AKR1A1: variants seen among roughly 807,000 people sequenced by gnomAD.
AKR1A1 encodes aldo-keto reductase family 1 member A1.
Under a neutral mutation model 39.2 loss-of-function variants are expected in AKR1A1, and 26 were observed. That is an observed-to-expected ratio of 0.66 (90% confidence interval 0.49 to 0.92). AKR1A1 has a LOEUF of 0.92. Ranked by LOEUF, AKR1A1 falls within the 40% of genes least tolerant of loss-of-function variation. The probability of loss-of-function intolerance (pLI) is 0.00; values close to 1 mark genes in which losing one functional copy is unlikely to be tolerated. For synonymous variants in AKR1A1, 141 were observed against 155.5 expected (o/e 0.91, Z 0.69); for missense variants, 378 against 406.5 (o/e 0.93, Z 0.60).
At chr1:45,566,472 A>G (rs1241302431) in intron 2 of AKR1A1, 97 bp from the exon 3 acceptor site, 3 of 1,543,214 alleles carry the variant, frequency 1.9e-6, no homozygotes, top group South Asian at 2.4e-5. Flanking sequence ...TGCCTGTTAT[A>G]TTTCTGAGCC....
intron 4 of AKR1A1, 46 bp from the exon 5 acceptor site, chr1:45,567,936 A>G: frequency 1.3e-6 from 2 of 1,542,616 alleles, no homozygotes; most frequent in Non-Finnish European, 1.8e-6. Context: ...GTAGGGTAGA[A>G]GCCTGGCATT....
At chr1:45,564,681 G>T (rs1471099262) in intron 2 of AKR1A1, among the ~76,000 whole-genome samples, 1 of 151,176 alleles carries the variant, frequency 6.6e-6, no homozygotes, top group Admixed American at 6.6e-5. Context: ...ATTTTTTCCT[G>T]TGTTTCTCTA....
chr1:45,568,241 G>A (rs1280636542), intron 5 of AKR1A1, 64 bp downstream of exon 5: 136 of 1,507,622 alleles, frequency 9.0e-5, no homozygotes, highest in Non-Finnish European at 1.2e-4. Flanking sequence ...GGGAGCAGAC[G>A]ATGGATCTGC....
chr1:45,550,852 G>C lies in AKR1A1; in HGVS notation c.-310G>C, dbSNP rs988072939. 3.9e-5 allele frequency: 6 copies of C among 152,476 alleles called. No homozygotes were observed. Among genetic ancestry groups the C allele is most frequent in the African/African-American group, 1.4e-4 (6 of 41,488 alleles). 9.4% of individuals were successfully genotyped at this position (152,476 alleles called of 1,614,324 possible). A position where few individuals can be genotyped will look rare whatever the true frequency, so the allele number is the denominator to read the frequency against. ...GCGCCACCTGCCTCATTGTGCCCAG[G>C]AGTTCTCCAAACCCGCGCTGCGGAG... On this transcript the variant is annotated 5_prime_UTR_variant, in exon 1 of 9. Coordinates refer to ENST00000351829, the MANE Select transcript of AKR1A1 (RefSeq NM_153326.3).
chr1:45,563,399 AG>A (rs1456377451), intron 2 of AKR1A1, among the ~76,000 whole-genome samples: 5 of 151,346 alleles, frequency 3.3e-5, no homozygotes, highest in African/African-American at 1.2e-4. Context: ...GACTCCGTCT[AG>A]GGGGAAAAAT....
intron 5 of AKR1A1, 137 bp downstream of exon 5, chr1:45,568,314 G>A: frequency 7.9e-7 from 1 of 1,260,010 alleles, no homozygotes; most frequent in South Asian, 1.4e-5. Flanking sequence ...ATAAAGGTGG[G>A]CATTGAAGCA....
rs144040725 is a variant in AKR1A1, at chr1:45,568,030, C to T, written c.405C>T (p.Tyr135=). The change falls in exon 5 of 9, where the codon TAC becomes TAT. Residue 135 remains tyrosine, a synonymous_variant. Coordinates refer to ENST00000351829, the MANE Select transcript of AKR1A1 (RefSeq NM_153326.3). The part of the protein sequence containing the change: ...FPKNADGTIC[Y]DSTHYKETWK... Reference sequence around the variant, plus strand: ...AGAATGCTGATGGGACTATATGCTACGACTCCACCCACTACAAGGAGACTT... The same window carrying T: ...AGAATGCTGATGGGACTATATGCTATGACTCCACCCACTACAAGGAGACTT... 32 of 1,613,778 alleles carry T rather than the reference C, an allele frequency of 2.0e-5. No homozygotes were observed. The highest frequency in any genetic ancestry group is 1.5e-4 in the Admixed American group (9 of 59,948).
At chr1:45,553,733 CCTGT>C in intron 1 of AKR1A1, among the ~76,000 whole-genome samples, 1 of 152,078 alleles carries the variant, frequency 6.6e-6, no homozygotes, top group Non-Finnish European at 1.5e-5. Context: ...GTGGCTCATG[CCTGT>C]AATCCCAGCA....
At chr1:45,555,131 C>T (rs944629287) in intron 1 of AKR1A1, among the ~76,000 whole-genome samples, 5 of 152,116 alleles carry the variant, frequency 3.3e-5, no homozygotes, top group South Asian at 2.1e-4. Context: ...TGTGCATCTG[C>T]GGATTCAACC....
intron 5 of AKR1A1, 112 bp downstream of exon 5, chr1:45,568,289 G>A (rs1313743442): frequency 7.5e-7 from 1 of 1,339,224 alleles, no homozygotes; most frequent in East Asian, 2.5e-5. Flanking sequence ...GAGTGTTGGT[G>A]CAGAAGTCCT....
chr1:45,556,159 C>T (rs1248787926), intron 1 of AKR1A1, among the ~76,000 whole-genome samples: 3 of 152,090 alleles, frequency 2.0e-5, no homozygotes, highest in Non-Finnish European at 4.4e-5. Flanking sequence ...ACTGTAGAGC[C>T]CTTTGAGAAA....
chr1:45,567,942 G>T, intron 4 of AKR1A1, 40 bp from the exon 5 acceptor site: 1 of 1,557,660 alleles, frequency 6.4e-7, no homozygotes, highest in East Asian at 2.3e-5. Context: ...TAGAAGCCTG[G>T]CATTTGTGTC....
At chr1:45,557,233 G>A (rs1169770690) in intron 1 of AKR1A1, among the ~76,000 whole-genome samples, 1 of 151,772 alleles carries the variant, frequency 6.6e-6, no homozygotes, top group Non-Finnish European at 1.5e-5. Flanking sequence ...GTTTCTGAAT[G>A]CTGCCAAAGG....
At chr1:45,559,667 G>A (rs1159901749) in intron 1 of AKR1A1, among the ~76,000 whole-genome samples, 4 of 103,190 alleles carry the variant, frequency 3.9e-5, no homozygotes, top group Admixed American at 1.5e-4. Context: ...TTTTTGAGAC[G>A]GAGTCTCCCT....
intron 1 of AKR1A1, among the ~76,000 whole-genome samples, chr1:45,560,722 G>T (rs965580681): frequency 3.0e-5 from 4 of 135,576 alleles, no homozygotes; most frequent in African/African-American, 1.1e-4. Flanking sequence ...AATCTCTGCA[G>T]TTCTTTTTTT....
At chr1:45,557,927 T>TTTTTTTTTTTTTTGG (rs1644227267) in intron 1 of AKR1A1, among the ~76,000 whole-genome samples, 1 of 148,252 alleles carries the variant, frequency 6.7e-6, no homozygotes, top group African/African-American at 2.5e-5. Context: ...TTTTTTTTTT[T>TTTTTTTTTTTTTTGG]GAGATGGAGC....
chr1:45,555,932 G>A lies in AKR1A1; in HGVS notation c.-7+4777G>A, dbSNP rs185310995. On this transcript the variant is annotated intron_variant, in intron 1 of 8. Transcript: ENST00000351829. Reference sequence around the variant, plus strand: ...CAGAGGGCGTTGAATATACAGAAGTGGGGTGAGAAGAATCAAGGCCTAAGG... The same window carrying A: ...CAGAGGGCGTTGAATATACAGAAGTAGGGTGAGAAGAATCAAGGCCTAAGG... Among the ~76,000 whole-genome samples, 10 of 152,222 alleles carry A rather than the reference G, an allele frequency of 6.6e-5. No individual in the cohort carries two copies. The East Asian group carries it at 1.9e-3, about 29-fold the overall frequency.
intron 1 of AKR1A1, among the ~76,000 whole-genome samples, chr1:45,557,045 C>A (rs1384540992): frequency 6.6e-6 from 1 of 151,588 alleles, no homozygotes; most frequent in Non-Finnish European, 1.5e-5. Context: ...CAAAAATTAG[C>A]TGGGCGTGGT....
In AKR1A1 at chr1:45,568,562, T is replaced by C. The variant is rs1453034394; in HGVS notation, c.630T>C (p.Tyr210=). ...CACGTGGCCTGGAGGTAACTGCTTA[T>C]AGCCCTTTGGGCTCCTCTGATCGTG... The part of the protein sequence containing the change: ...CQARGLEVTA[Y]SPLGSSDRAW... The change falls in exon 6 of 9, where the codon TAT becomes TAC. Residue 210 remains tyrosine (Y), a synonymous_variant. Transcript: ENST00000351829. 2 of 1,614,008 alleles carry C rather than the reference T, an allele frequency of 1.2e-6. No homozygotes were observed. Among genetic ancestry groups the C allele is most frequent in the Non-Finnish European group, 1.7e-6 (2 of 1,179,984 alleles).
Sources: allele counts gnomAD v4.1 joint callset (sites outside exome capture counted in the v4.1 genomes callset), GRCh38; gene constraint gnomAD v4.1.1; transcripts MANE v1.5; gene names NCBI Gene and HGNC (gene_info 2026-07-23, HGNC 2026-07-21).